The following ELMO2 variants were observed in gnomAD, a reference collection of about 807,000 sequenced individuals.
ELMO2 encodes engulfment and cell motility 2.
Under a neutral mutation model 96.2 loss-of-function variants are expected in ELMO2, and 37 were observed. That is an observed-to-expected ratio of 0.38 (90% CI 0.30 to 0.51). ELMO2 has a LOEUF of 0.51. Among genes scored for constraint, ELMO2 ranks in the 20% least tolerant of loss-of-function variants. ELMO2 has a pLI of 0.88. For synonymous variants in ELMO2, 315 were observed against 329.4 expected (o/e 0.96, Z 0.47); for missense variants, 561 against 912.6 (o/e 0.61, Z 4.96).
At chr20:46,405,169 A>ATTTTGT (rs2060406572) in intron 1 of ELMO2, among the ~76,000 whole-genome samples, 1 of 152,222 alleles carries the variant, frequency 6.6e-6, no homozygotes, top group African/African-American at 2.4e-5. Flanking sequence ...GAGAAATATC[A>ATTTTGT]ATACTTTTGT....
In ELMO2 at chr20:46,367,219, G is replaced by A; in HGVS notation, c.*141C>T. On this transcript the variant is annotated 3_prime_UTR_variant, in exon 22 of 22. Coordinates refer to ENST00000290246, the MANE Select transcript of ELMO2 (RefSeq NM_133171.5). ...AGGAAACTCTGGGTGGTCCGAGGTG[G>A]GTTTGAGAAATGGCTGGCATTTACT... 1 of 778,510 alleles carries A rather than the reference G, an allele frequency of 1.3e-6. No homozygotes were observed. Among genetic ancestry groups the A allele is most frequent in the South Asian group, 2.2e-5 (1 of 45,774 alleles). 48.2% of individuals were successfully genotyped at this position (778,510 alleles called of 1,614,324 possible). A position where few individuals can be genotyped will look rare whatever the true frequency, so the allele number is the denominator to read the frequency against.
In ELMO2 at chr20:46,393,753, A is replaced by G. The variant is rs757315268; in HGVS notation, c.120-152T>C. On this transcript the variant is annotated intron_variant, in intron 4 of 21. Transcript: ENST00000290246. The stretch of plus-strand genomic sequence containing the variant: ...TTTAGGTTGTCATGTTGAAAAAATC[A>G]TGGCCTCAGCCTTTTGTAAAGATGA... 4.5e-4 allele frequency: 431 copies of G among 949,694 alleles called. 2 individuals are homozygous for G. Among genetic ancestry groups the G allele is most frequent in the South Asian group, 1.3e-3 (80 of 63,358 alleles). The allele number at this position is 949,694 out of a possible 1,614,324, so 58.8% of individuals were successfully genotyped here.
rs73622665 is a variant in ELMO2 at position 46,393,922 on chromosome 20, G to T, written c.119+127C>A. ...AACTGTACTTCCTTCCCAAGACAAT[G>T]ATTCCCAAGACCCCCATGCTGAGGA... On this transcript the variant is annotated intron_variant, in intron 4 of 21. Coordinates refer to ENST00000290246, the MANE Select transcript of ELMO2 (RefSeq NM_133171.5). 3.7e-5 allele frequency: 47 copies of T among 1,263,442 alleles called. No individual in the cohort carries two copies. The East Asian group carries it at 5.9e-4, about 16-fold the overall frequency. 78.3% of individuals were successfully genotyped at this position (1,263,442 alleles called of 1,614,324 possible).
intron 2 of ELMO2, among the ~76,000 whole-genome samples, chr20:46,395,020 G>A (rs1270825329): frequency 1.3e-5 from 2 of 152,090 alleles, no homozygotes; most frequent in Admixed American, 6.5e-5. Flanking sequence ...CCCACTCATC[G>A]ATGCCACCCC....
intron 1 of ELMO2, 124 bp downstream of exon 1, chr20:46,406,424 C>T (rs1787616659): frequency 6.6e-6 from 1 of 152,638 alleles, no homozygotes; most frequent in South Asian, 2.1e-4. Context: ...CCCTCTCAGC[C>T]CCTCAGCCTC....
chr20:46,374,632 G>T lies in ELMO2; in HGVS notation c.1074C>A (p.Ile358=). 6.2e-7 allele frequency: 1 copy of T among 1,614,116 alleles called. No homozygotes were observed. Among genetic ancestry groups the T allele is most frequent in the Non-Finnish European group, 8.5e-7 (1 of 1,180,010 alleles). Residue 358 remains isoleucine, a synonymous_variant, in exon 14 of 22, where the codon ATC becomes ATA. Transcript: ENST00000290246. ...TCTGGGTAAAGTCCATGGCTGGATTGATGTGGTTCTAGAGAAATAAAGACA... is the reference window on the plus strand; with the variant it reads ...TCTGGGTAAAGTCCATGGCTGGATTTATGTGGTTCTAGAGAAATAAAGACA... ...DYKMLGFTNH[I]NPAMDFTQTP...
intron 2 of ELMO2, among the ~76,000 whole-genome samples, chr20:46,395,619 T>A (rs1316070287): frequency 6.6e-6 from 1 of 152,192 alleles, no homozygotes; most frequent in Non-Finnish European, 1.5e-5. Context: ...CAAACACAGA[T>A]GTCAGTTCTC....
intron 4 of ELMO2, 125 bp downstream of exon 4, chr20:46,393,924 T>C: frequency 1.6e-6 from 2 of 1,283,460 alleles, no homozygotes; most frequent in East Asian, 4.9e-5. Flanking sequence ...AAGACAATGA[T>C]TCCCAAGACC....
intron 21 of ELMO2, among the ~76,000 whole-genome samples, chr20:46,367,922 C>T (rs1056548072): frequency 6.6e-6 from 1 of 152,154 alleles, no homozygotes; most frequent in South Asian, 2.1e-4. Flanking sequence ...AAGCAAGACA[C>T]AAACAGAAGT....
At position 46,383,234 on chromosome 20, in the gene ELMO2, T is replaced by C. The variant is rs993150120; in HGVS notation, c.756+182A>G. Reference sequence around the variant, plus strand: ...CATCTAAGACCCAGCTGGTTTCCCCTCATAGGTCTTCCCTGGGTCTTCCTT... The same window carrying C: ...CATCTAAGACCCAGCTGGTTTCCCCCCATAGGTCTTCCCTGGGTCTTCCTT... On this transcript the variant is annotated intron_variant, in intron 10 of 21. Coordinates refer to ENST00000290246, the MANE Select transcript of ELMO2 (RefSeq NM_133171.5). Among the ~76,000 whole-genome samples the C allele has an allele frequency of 4.7e-4, 72 of 152,172 alleles. 5 individuals carry two copies.
At position 46,367,328 on chromosome 20, in the gene ELMO2, TCTC is replaced by T. The variant is rs2059602180; in HGVS notation, c.*29_*31del. 2 of 1,436,158 alleles carry T rather than the reference TCTC, an allele frequency of 1.4e-6. No homozygotes were observed. The highest frequency in any genetic ancestry group is 1.5e-5 in the South Asian group (1 of 66,904). 89.0% of individuals were successfully genotyped at this position (1,436,158 alleles called of 1,614,324 possible). A position where few individuals can be genotyped will look rare whatever the true frequency, so the allele number is the denominator to read the frequency against. ...TGTTTCTCCTGGGCCCAAAATCCCT[TCTC>T]CTGGGTACCGTCGTTTCTGGCTCCA... On this transcript the variant is annotated 3_prime_UTR_variant, in exon 22 of 22. Coordinates refer to ENST00000290246, the MANE Select transcript of ELMO2 (RefSeq NM_133171.5).
intron 21 of ELMO2, among the ~76,000 whole-genome samples, chr20:46,368,169 T>C (rs886322442): frequency 1.3e-5 from 2 of 152,128 alleles, no homozygotes; most frequent in African/African-American, 4.8e-5. Context: ...TTGTTCTTCA[T>C]TTCCTCTCAA....
chr20:46,402,297 G>A (rs2060349669), intron 1 of ELMO2, among the ~76,000 whole-genome samples: 1 of 152,222 alleles, frequency 6.6e-6, no homozygotes, highest in East Asian at 1.9e-4. Flanking sequence ...TGTGTCCACA[G>A]AATTCCACAG....
Position 46,371,010 on chromosome 20 carries a change from G to A in ELMO2, c.1801+342C>T, listed in dbSNP as rs905095663. 6.6e-6 allele frequency among the ~76,000 whole-genome samples: 1 copy of A among 152,172 alleles called. No individual in the cohort carries two copies. The highest frequency in any genetic ancestry group is 2.4e-5 in the African/African-American group (1 of 41,440). On this transcript the variant is annotated intron_variant, in intron 19 of 21. Coordinates refer to ENST00000290246, the MANE Select transcript of ELMO2 (RefSeq NM_133171.5). This position sits in a 1 kb window ranked among gnomAD's most constrained non-coding sequence, Gnocchi z 5.9. Reference sequence around the variant, plus strand: ...CAGGAGAAGAAACCAAGGCAGAGGGGAGAACTTGCAATTAATTAGAATTCA... The same window carrying A: ...CAGGAGAAGAAACCAAGGCAGAGGGAAGAACTTGCAATTAATTAGAATTCA...
intron 20 of ELMO2, chr20:46,370,130 A>G (rs1236980121): frequency 2.1e-6 from 1 of 471,686 alleles, no homozygotes; most frequent in Non-Finnish European, 4.0e-6. Flanking sequence ...ATGTGTGCTA[A>G]TGGACTGGTG....
Position 46,371,718 on chromosome 20 carries a change from C to T in ELMO2, c.1581-27G>A, listed in dbSNP as rs199553318. 81 of 1,613,670 alleles carry T rather than the reference C, an allele frequency of 5.0e-5. No individual in the cohort carries two copies. In the African/African-American group the frequency reaches 6.1e-4, roughly 12 times the overall value. On this transcript the variant is annotated intron_variant, in intron 17 of 21. Transcript: ENST00000290246. This position sits in a 1 kb window ranked among gnomAD's most constrained non-coding sequence, Gnocchi z 5.9. ...TGGGGTGGACACACACTGGAGTGAG[C>T]GGAAGGTCATGGGGACAGTGGAGCT...
chr20:46,382,522 A>G (rs1402448537), intron 10 of ELMO2, among the ~76,000 whole-genome samples: 1 of 152,202 alleles, frequency 6.6e-6, no homozygotes. Context: ...AGAAATCTAG[A>G]ATGTTAGTAT....
At chr20:46,404,198 C>T (rs1344559503) in intron 1 of ELMO2, among the ~76,000 whole-genome samples, 8 of 152,174 alleles carry the variant, frequency 5.3e-5, no homozygotes, top group South Asian at 2.1e-4. Flanking sequence ...AGACTTAGTC[C>T]AGGCTGGGCC....
intron 1 of ELMO2, among the ~76,000 whole-genome samples, chr20:46,402,716 G>A (rs1453324731): frequency 6.6e-6 from 1 of 152,172 alleles, no homozygotes; most frequent in Non-Finnish European, 1.5e-5. Context: ...CATAAATAAG[G>A]GAACTGAAGT....
Sources: gnomAD v4.1 joint callset for allele counts (sites outside exome capture counted in the v4.1 genomes callset) on GRCh38, gnomAD v4.1.1 for gene constraint, Gnocchi (gnomAD v3.1) non-coding constraint, MANE v1.5 for transcripts, NCBI Gene and HGNC (gene_info 2026-07-23, HGNC 2026-07-21) for gene names.